Variants in RABGAP1L observed in about 807,000 individuals in gnomAD.
RABGAP1L encodes RAB GTPase activating protein 1 like.
In RABGAP1L, 63 loss-of-function variants were observed where a neutral mutation model predicts 137.7. That is an observed-to-expected ratio of 0.46 (90% CI 0.37 to 0.56). The LOEUF is 0.56. Ranked by LOEUF, RABGAP1L falls within the 20% of genes least tolerant of loss-of-function variation. The probability of loss-of-function intolerance (pLI) is 0.00; values close to 1 mark genes in which losing one functional copy is unlikely to be tolerated. For missense variants in RABGAP1L, 1,095 were observed against 1,244.0 expected, an observed-to-expected ratio of 0.88 and a Z score of 1.80; for synonymous variants, 431 against 433.7, an observed-to-expected ratio of 0.99 and a Z score of 0.08.
At chr1:174,879,791 A>G (rs1268004595) in intron 19 of RABGAP1L, among the ~76,000 whole-genome samples, 3 of 152,200 alleles carry the variant, frequency 2.0e-5, no homozygotes, top group South Asian at 2.1e-4. Context: ...AATATAATCA[A>G]TAAAACTGTA....
chr1:174,438,744 G>GCATATATA (rs1553302950), intron 13 of RABGAP1L, among the ~76,000 whole-genome samples: 4 of 95,456 alleles, frequency 4.2e-5, no homozygotes, highest in Non-Finnish European at 7.6e-5. Context: ...GTGTGTGTGT[G>GCATATATA]TATATATATA....
At position 174,705,010 on chromosome 1, in the gene RABGAP1L, A is replaced by G. The variant is rs1186670884; in HGVS notation, c.2169+2754A>G. Among the ~76,000 whole-genome samples, 3 of 152,288 alleles carry G rather than the reference A, an allele frequency of 2.0e-5. No homozygotes were observed. In the East Asian group the frequency reaches 5.8e-4, roughly 29 times the overall value. ...TTCATAAAAATAGGAAAGTGGGGGT[A>G]TGACATTTTAACAGTTTTTGAGTTA... is the stretch of plus-strand genomic sequence containing the variant. On this transcript the variant is annotated intron_variant, in intron 17 of 25. Coordinates refer to ENST00000681986, the MANE Select transcript of RABGAP1L (RefSeq NM_001366446.1).
intron 18 of RABGAP1L, among the ~76,000 whole-genome samples, chr1:174,804,274 G>GTTTTTTGTTTTT (rs1553254971): frequency 0.091 from 12,539 of 137,952 alleles, 753 homozygotes; most frequent in East Asian, 0.22. Flanking sequence ...GTTTTGTTTT[G>GTTTTTTGTTTTT]TTTTTTGTTT....
At chr1:174,805,927 T>A (rs1159867454) in intron 18 of RABGAP1L, among the ~76,000 whole-genome samples, 1 of 152,246 alleles carries the variant, frequency 6.6e-6, no homozygotes, top group African/African-American at 2.4e-5. Context: ...ATTACTTAAC[T>A]AATGTTGGGA....
chr1:174,494,030 A>G (rs577289558), intron 13 of RABGAP1L, among the ~76,000 whole-genome samples: 7 of 152,198 alleles, frequency 4.6e-5, no homozygotes, highest in African/African-American at 1.7e-4. Flanking sequence ...ATTTTTTCTG[A>G]CTTTCCTTCT....
chr1:174,371,942 C>T (rs936617559), intron 12 of RABGAP1L, among the ~76,000 whole-genome samples: 1 of 152,060 alleles, frequency 6.6e-6, no homozygotes, highest in Admixed American at 6.6e-5. Flanking sequence ...ACAGTTCCAA[C>T]GGTTGGAATA....
intron 13 of RABGAP1L, among the ~76,000 whole-genome samples, chr1:174,552,514 T>A (rs1474098015): frequency 3.3e-5 from 5 of 152,110 alleles, no homozygotes; most frequent in African/African-American, 9.7e-5. Context: ...CATTCTTTTT[T>A]ATGACTGTAT....
At chr1:174,542,762 T>C (rs2147941912) in intron 13 of RABGAP1L, among the ~76,000 whole-genome samples, 1 of 152,360 alleles carries the variant, frequency 6.6e-6, no homozygotes, top group Non-Finnish European at 1.5e-5. Flanking sequence ...CACATTGCTT[T>C]AAATGTGTCC....
chr1:174,816,411 G>A (rs908393598), intron 19 of RABGAP1L, among the ~76,000 whole-genome samples: 83 of 152,134 alleles, frequency 5.5e-4, no homozygotes, highest in African/African-American at 1.8e-3. Context: ...CACCCAAAGT[G>A]TTAGGATTAC....
intron 19 of RABGAP1L, among the ~76,000 whole-genome samples, chr1:174,907,541 C>G (rs1297346429): frequency 6.6e-6 from 1 of 152,054 alleles, no homozygotes; most frequent in African/African-American, 2.4e-5. Context: ...TCACAAACTC[C>G]TGGACTCAAA....
intron 17 of RABGAP1L, among the ~76,000 whole-genome samples, chr1:174,745,086 A>G (rs1683766251): frequency 6.6e-6 from 1 of 152,222 alleles, no homozygotes; most frequent in Non-Finnish European, 1.5e-5. Context: ...ACTTGGCATC[A>G]GCTGGACCAC....
At chr1:174,895,036 C>T (rs1478574440) in intron 19 of RABGAP1L, among the ~76,000 whole-genome samples, 4 of 152,138 alleles carry the variant, frequency 2.6e-5, no homozygotes, top group South Asian at 2.1e-4. Flanking sequence ...GGATTACAGG[C>T]GTGAGCCACC....
At chr1:174,874,000 A>G (rs1038461247) in intron 19 of RABGAP1L, among the ~76,000 whole-genome samples, 5 of 152,194 alleles carry the variant, frequency 3.3e-5, no homozygotes, top group African/African-American at 4.8e-5. Flanking sequence ...TTTGACTCAT[A>G]GTATGACCCA....
At chr1:174,747,707 C>T (rs1221773900) in intron 17 of RABGAP1L, among the ~76,000 whole-genome samples, 2 of 152,052 alleles carry the variant, frequency 1.3e-5, no homozygotes, top group Non-Finnish European at 2.9e-5. Flanking sequence ...TTATTTAAAA[C>T]ACACACTCAC....
intron 11 of RABGAP1L, among the ~76,000 whole-genome samples, chr1:174,356,800 A>C (rs1412198012): frequency 6.6e-6 from 1 of 152,320 alleles, no homozygotes; most frequent in South Asian, 2.1e-4. Flanking sequence ...TTGAAGTGAT[A>C]GGCATAAAAC....
chr1:174,464,457 A>G (rs1196623035), intron 13 of RABGAP1L, among the ~76,000 whole-genome samples: 1 of 152,172 alleles, frequency 6.6e-6, no homozygotes, highest in Non-Finnish European at 1.5e-5. Context: ...GCCTTCAATG[A>G]GCCTTCTTAT....
At chr1:174,800,838 A>G (rs1290642754) in intron 18 of RABGAP1L, among the ~76,000 whole-genome samples, 3 of 152,188 alleles carry the variant, frequency 2.0e-5, no homozygotes, top group Non-Finnish European at 4.4e-5. Flanking sequence ...TCTGTTATGT[A>G]TATCTCCAAA....
chr1:174,772,917 C>T, intron 18 of RABGAP1L, among the ~76,000 whole-genome samples: 1 of 152,150 alleles, frequency 6.6e-6, no homozygotes, highest in East Asian at 1.9e-4. Flanking sequence ...AAAAGAAATC[C>T]TAATTTTAAC....
At chr1:174,210,367 A>G (rs545691982) in intron 1 of RABGAP1L, among the ~76,000 whole-genome samples, 155 of 152,328 alleles carry the variant, frequency 1.0e-3, no homozygotes, top group African/African-American at 3.6e-3. Flanking sequence ...TCAGAATTCT[A>G]TCAGATATAT....
Sources: gnomAD v4.1 joint callset for allele counts (sites outside exome capture counted in the v4.1 genomes callset) on GRCh38, gnomAD v4.1.1 for gene constraint, MANE v1.5 for transcripts, NCBI Gene and HGNC (gene_info 2026-07-23, HGNC 2026-07-21) for gene names.